The following MAGI3 variants were observed in gnomAD, a reference collection of about 807,000 sequenced individuals.
MAGI3 encodes membrane associated guanylate kinase, WW and PDZ domain containing 3.
Under a neutral mutation model 121.8 loss-of-function variants are expected in MAGI3, and 43 were observed. The observed-to-expected ratio is 0.35, with a 90% CI of 0.28 to 0.46. MAGI3 has a LOEUF of 0.46. Among genes scored for constraint, MAGI3 ranks in the 20% least tolerant of loss-of-function variants. MAGI3 has a pLI of 1.00. For missense variants in MAGI3, 1,547 were observed against 1,797.3 expected (o/e 0.86, Z 2.52); for synonymous variants, 553 against 639.3 (o/e 0.86, Z 2.04).
At chr1:113,528,483 A>T (rs1258552717) in intron 1 of MAGI3, among the ~76,000 whole-genome samples, 1 of 152,174 alleles carries the variant, frequency 6.6e-6, no homozygotes, top group Non-Finnish European at 1.5e-5. Flanking sequence ...TACTTCATAG[A>T]TGACACTGTA....
At chr1:113,579,881 C>G (rs950462850) in intron 2 of MAGI3, among the ~76,000 whole-genome samples, 13 of 151,838 alleles carry the variant, frequency 8.6e-5, no homozygotes, top group African/African-American at 3.1e-4. Flanking sequence ...GACTTGCAAC[C>G]AATTCCCAGT....
intron 1 of MAGI3, among the ~76,000 whole-genome samples, chr1:113,476,029 T>C (rs898345815): frequency 1.4e-4 from 21 of 152,344 alleles, no homozygotes; most frequent in Non-Finnish European, 2.5e-4. Flanking sequence ...GTGTTTGTAG[T>C]ATTCTCTGAT....
chr1:113,473,292 GA>G (rs751091918), intron 1 of MAGI3, among the ~76,000 whole-genome samples: 1 of 151,872 alleles, frequency 6.6e-6, no homozygotes, highest in Non-Finnish European at 1.5e-5. Context: ...TTAAGTTCTA[GA>G]GTACATGTGC....
intron 6 of MAGI3, among the ~76,000 whole-genome samples, chr1:113,600,102 C>G (rs1407344326): frequency 1.3e-5 from 2 of 152,114 alleles, no homozygotes; most frequent in Admixed American, 6.5e-5. Flanking sequence ...ATGACAAACC[C>G]ACAACCAATA....
At chr1:113,528,093 A>G (rs1658536266) in intron 1 of MAGI3, among the ~76,000 whole-genome samples, 1 of 152,146 alleles carries the variant, frequency 6.6e-6, no homozygotes, top group Non-Finnish European at 1.5e-5. Flanking sequence ...CAACACCACT[A>G]TCACATCTAA....
intron 12 of MAGI3, among the ~76,000 whole-genome samples, chr1:113,648,529 A>G (rs990329086): frequency 6.6e-6 from 1 of 151,916 alleles, no homozygotes; most frequent in Non-Finnish European, 1.5e-5. Flanking sequence ...CTCCTGCTTA[A>G]TATTCTAAGG....
intron 2 of MAGI3, among the ~76,000 whole-genome samples, chr1:113,556,346 A>T (rs1409074358): frequency 2.6e-5 from 4 of 152,132 alleles, no homozygotes; most frequent in African/African-American, 9.7e-5. Context: ...AATTAGTGCT[A>T]TCCGGAGGCC....
At chr1:113,681,761 G>A (rs751336387) in intron 20 of MAGI3, among the ~76,000 whole-genome samples, 1 of 152,112 alleles carries the variant, frequency 6.6e-6, no homozygotes, top group Non-Finnish European at 1.5e-5. Context: ...TAATGAATGC[G>A]CAGCATGAAA....
intron 1 of MAGI3, among the ~76,000 whole-genome samples, chr1:113,454,631 G>A (rs1225837644): frequency 6.6e-6 from 1 of 152,060 alleles, no homozygotes; most frequent in Non-Finnish European, 1.5e-5. Flanking sequence ...TTCTCCTAAT[G>A]CTATCCCTCC....
At chr1:113,485,112 C>T (rs531350308) in intron 1 of MAGI3, among the ~76,000 whole-genome samples, 26 of 152,204 alleles carry the variant, frequency 1.7e-4, no homozygotes, top group South Asian at 8.3e-4. Flanking sequence ...GCAAATTGTG[C>T]GCTATAAACA....
At chr1:113,643,606 C>A in intron 10 of MAGI3, 137 bp from the exon 11 acceptor site, 1 of 728,400 alleles carries the variant, frequency 1.4e-6, no homozygotes, top group Non-Finnish European at 2.4e-6. Context: ...ATGTATAATG[C>A]CTGGTACATA....
intron 6 of MAGI3, among the ~76,000 whole-genome samples, chr1:113,597,845 G>A (rs1649115540): frequency 6.6e-6 from 1 of 152,204 alleles, no homozygotes; most frequent in African/African-American, 2.4e-5. Flanking sequence ...AGCCCTACAA[G>A]ATATGGTAAA....
In MAGI3 at chr1:113,683,800, T is replaced by C; in HGVS notation, c.4232T>C (p.Leu1411Pro). The C allele has an allele frequency of 6.2e-7, 1 of 1,609,282 alleles. No individual in the cohort carries two copies. Among genetic ancestry groups the C allele is most frequent in the Non-Finnish European group, 8.5e-7 (1 of 1,177,588 alleles). ...GENVQLSEKR[L>P]KQEPEEKVVS... ...AATGTCCAGCTATCAGAAAAGAGGC[T>C]GAAGCAAGAACCTGAAGAGAAGGTA... The change falls in exon 21 of 21, where the codon CTG becomes CCG. Residue 1411 changes from leucine (L) to proline (P), a missense_variant. By Grantham distance (98) the Leu-to-Pro change is moderately conservative. Coordinates refer to ENST00000307546, the MANE Select transcript of MAGI3 (RefSeq NM_001142782.2).
chr1:113,598,196 A>G (rs1410700187), intron 6 of MAGI3, among the ~76,000 whole-genome samples: 1 of 151,986 alleles, frequency 6.6e-6, no homozygotes, highest in East Asian at 1.9e-4. Context: ...TGGGCAACAG[A>G]GCGAGACTCT....
At chr1:113,515,440 G>A (rs1020360280) in intron 1 of MAGI3, among the ~76,000 whole-genome samples, 5 of 152,008 alleles carry the variant, frequency 3.3e-5, no homozygotes, top group Admixed American at 6.6e-5. Context: ...CATTAAAAAC[G>A]TTAAAGTTTT....
intron 2 of MAGI3, among the ~76,000 whole-genome samples, chr1:113,556,632 C>T (rs978891912): frequency 6.8e-6 from 1 of 146,078 alleles, no homozygotes. Context: ...GATTAGAGCT[C>T]AACTTCCATT....
At chr1:113,557,774 G>A (rs752142775) in intron 2 of MAGI3, among the ~76,000 whole-genome samples, 2 of 152,178 alleles carry the variant, frequency 1.3e-5, no homozygotes, top group Non-Finnish European at 2.9e-5. Context: ...CCTCCTTACT[G>A]GAGTATCCAG....
chr1:113,602,968 A>G (rs1390783998), intron 6 of MAGI3, among the ~76,000 whole-genome samples: 3 of 151,880 alleles, frequency 2.0e-5, no homozygotes, highest in Non-Finnish European at 4.4e-5. Context: ...GTATGTATAC[A>G]CATATATATA....
chr1:113,515,592 G>C (rs543999732), intron 1 of MAGI3, among the ~76,000 whole-genome samples: 88 of 152,166 alleles, frequency 5.8e-4, no homozygotes, highest in African/African-American at 2.1e-3. Flanking sequence ...TTCATTTACA[G>C]ATAAGGAACA....
Sources: allele counts gnomAD v4.1 joint callset (sites outside exome capture counted in the v4.1 genomes callset), GRCh38; gene constraint gnomAD v4.1.1; transcripts MANE v1.5; gene names NCBI Gene and HGNC (gene_info 2026-07-23, HGNC 2026-07-21).